FREM2: variants seen among roughly 807,000 people sequenced by gnomAD.
FREM2 encodes FRAS1 related extracellular matrix 2.
FREM2 carries 119 observed loss-of-function variants against 219.9 expected under a neutral mutation model. The ratio of observed to expected loss-of-function variants is 0.54; its 90% CI spans 0.47 to 0.63. The LOEUF is 0.63. Ranked by LOEUF, FREM2 falls within the 30% of genes least tolerant of loss-of-function variation. The pLI is 0.00. For synonymous variants in FREM2, 1,562 were observed against 1,522.8 expected (o/e 1.03, Z -0.60); for missense variants, 4,030 against 3,993.6 (o/e 1.01, Z -0.25).
intron 18 of FREM2, among the ~76,000 whole-genome samples, chr13:38,875,654 T>G (rs543046092): frequency 2.0e-5 from 3 of 152,384 alleles, no homozygotes; most frequent in Admixed American, 2.0e-4. Context: ...GTAACTTCAG[T>G]GCACAATAAA....
At chr13:38,878,403 G>T (rs1878424285) in intron 22 of FREM2, 82 bp downstream of exon 22, 2 of 886,088 alleles carry the variant, frequency 2.3e-6, no homozygotes, top group Non-Finnish European at 1.8e-6. Flanking sequence ...AACAAGGCTG[G>T]GCACAGTGGC....
chr13:38,823,788 C>T (rs1300507033), intron 6 of FREM2, among the ~76,000 whole-genome samples: 1 of 151,816 alleles, frequency 6.6e-6, no homozygotes, highest in East Asian at 1.9e-4. Context: ...AATTAAGCAA[C>T]AGATAAGAGA....
Position 38,870,893 on chromosome 13 carries a change from C to T in FREM2, c.7984-1849C>T, listed in dbSNP as rs1555273665. On this transcript the variant is annotated intron_variant, in intron 16 of 23. Coordinates refer to ENST00000280481, the MANE Select transcript of FREM2 (RefSeq NM_207361.6). ...CATTGGAAAAAATTATTCTTAGCAC[C>T]TATAAAGCTTAATTGGAAATCTATT... 2.0e-5 allele frequency among the ~76,000 whole-genome samples: 3 copies of T among 152,112 alleles called. No homozygotes were observed. In the South Asian group the frequency reaches 6.2e-4, roughly 31 times the overall value.
rs1425054911 is a variant in FREM2 at position 38,767,714 on chromosome 13, A to G, written c.5411-1864A>G. Among the ~76,000 whole-genome samples, 4 of 152,056 alleles carry G rather than the reference A, an allele frequency of 2.6e-5. No individual in the cohort carries two copies. The South Asian group carries it at 6.2e-4, about 24-fold the overall frequency. ...TGGATCCAAGAGGTGCTGACAACCA[A>G]CTCTGTGTGCACAAGGAACCAGAGA... is the stretch of plus-strand genomic sequence containing the variant. On this transcript the variant is annotated intron_variant, in intron 3 of 23. Transcript: ENST00000280481.
At chr13:38,797,752 A>T (rs937408414) in intron 6 of FREM2, among the ~76,000 whole-genome samples, 3 of 151,676 alleles carry the variant, frequency 2.0e-5, no homozygotes, top group Non-Finnish European at 4.4e-5. Context: ...CTTAGTTTTT[A>T]TAGTTTTATA....
chr13:38,863,783 C>T (rs1877849972), intron 15 of FREM2, among the ~76,000 whole-genome samples: 1 of 152,092 alleles, frequency 6.6e-6, no homozygotes, highest in Admixed American at 6.5e-5. Flanking sequence ...TGAAATTTTC[C>T]TGGGGAACCC....
rs770487106 is a variant in FREM2 at position 38,754,898 on chromosome 13, G to GATTATTATTATTATTATTATT, written c.5264-9404_5264-9403insTATTATTATTATTATTATTAT. 6.0e-3 allele frequency among the ~76,000 whole-genome samples: 733 copies of GATTATTATTATTATTATTATT among 122,718 alleles called. 5 individuals are homozygous for GATTATTATTATTATTATTATT. The highest frequency in any genetic ancestry group is 0.013 in the African/African-American group (406 of 32,042). 80.5% of individuals were successfully genotyped at this position (122,718 alleles called of 152,430 possible). ...TGATGATGATGATGATGATGATGAT[G>GATTATTATTATTATTATTATT]ATGATTATTATTATTATTATTAGAG... On this transcript the variant is annotated intron_variant, in intron 2 of 23. Coordinates refer to ENST00000280481, the MANE Select transcript of FREM2 (RefSeq NM_207361.6).
intron 4 of FREM2, among the ~76,000 whole-genome samples, chr13:38,774,681 T>G (rs141217044): frequency 1.3e-5 from 2 of 152,168 alleles, no homozygotes; most frequent in Non-Finnish European, 2.9e-5. Flanking sequence ...TAAGGGAAAA[T>G]ATACAAGAGC....
chr13:38,826,725 C>A (rs1348395574), intron 6 of FREM2, among the ~76,000 whole-genome samples: 1 of 152,114 alleles, frequency 6.6e-6, no homozygotes, highest in Non-Finnish European at 1.5e-5. Context: ...CCAAATAAAT[C>A]ACCCTCATGT....
Position 38,692,422 on chromosome 13 carries a change from A to C in FREM2, c.5078A>C (p.His1693Pro), listed in dbSNP as rs1049282176. ...ILKVEDRDSLHISLRFIVTEA... is the reference protein window; with the variant it reads ...ILKVEDRDSLPISLRFIVTEA... ...AAAGTGGAGGACAGAGACAGCTTACACATTTCTCTTAGATTTATCGTGACA... is the reference window on the plus strand; with the variant it reads ...AAAGTGGAGGACAGAGACAGCTTACCCATTTCTCTTAGATTTATCGTGACA... Residue 1693 changes from histidine (H) to proline (P), a missense_variant, in exon 1 of 24, where the codon CAC becomes CCC. Physicochemically the swap from His to Pro is moderately conservative, Grantham distance 77. Transcript: ENST00000280481. 1 of 1,613,680 alleles carries C rather than the reference A, an allele frequency of 6.2e-7. No homozygotes were observed. Among genetic ancestry groups the C allele is most frequent in the African/African-American group, 1.3e-5 (1 of 74,906 alleles).
Position 38,689,708 on chromosome 13 carries a change from C to T in FREM2, c.2364C>T (p.Pro788=), listed in dbSNP as rs1247886547. The change falls in exon 1 of 24, where the codon CCC becomes CCT. Residue 788 remains proline (P), a synonymous_variant. Transcript: ENST00000280481. ...QINHHKIAYR[P]PGQELGVATR... is the part of the protein sequence containing the mutation. ...ACCATCATAAAATTGCTTACAGACC[C>T]CCGGGTCAAGAACTGGGCGTGGCTA... 6.2e-7 allele frequency: 1 copy of T among 1,613,952 alleles called. No individual in the cohort carries two copies. Among genetic ancestry groups the T allele is most frequent in the Non-Finnish European group, 8.5e-7 (1 of 1,179,954 alleles).
chr13:38,770,873 A>G (rs1369263028), intron 4 of FREM2, among the ~76,000 whole-genome samples: 4 of 152,194 alleles, frequency 2.6e-5, no homozygotes, highest in African/African-American at 9.6e-5. Flanking sequence ...AGAAAAAAAA[A>G]GAAAAAGAAA....
At position 38,689,911 on chromosome 13, in the gene FREM2, A is replaced by G. The variant is rs1445459920; in HGVS notation, c.2567A>G (p.Asp856Gly). The G allele has an allele frequency of 1.9e-6, 3 of 1,614,064 alleles. No homozygotes were observed. The highest frequency in any genetic ancestry group is 2.5e-6 in the Non-Finnish European group (3 of 1,180,052). Reference protein sequence around the residue: ...ILSETELHVNDVDTDVAHISF... With the variant: ...ILSETELHVNGVDTDVAHISF... The stretch of plus-strand genomic sequence containing the variant: ...AGTGAGACAGAGTTGCACGTGAATG[A>G]TGTAGACACTGATGTTGCCCATATC... Residue 856 changes from aspartate to glycine, a missense_variant, in exon 1 of 24, where the codon GAT (aspartate) becomes GGT (glycine). Physicochemically the swap from Asp to Gly is moderately conservative, Grantham distance 94. Around this residue, in one of 2 missense-constraint regions of FREM2, gnomAD observed 3,102 missense variants for 2,950.7 expected, o/e 1.05. Transcript: ENST00000280481.
intron 6 of FREM2, among the ~76,000 whole-genome samples, chr13:38,793,461 G>A (rs1474718835): frequency 2.6e-5 from 4 of 152,172 alleles, no homozygotes; most frequent in Non-Finnish European, 5.9e-5. Flanking sequence ...GGATGCCTCC[G>A]TGGAACTGAA....
intron 6 of FREM2, among the ~76,000 whole-genome samples, chr13:38,801,014 C>T (rs1874987837): frequency 6.6e-6 from 1 of 152,172 alleles, no homozygotes; most frequent in South Asian, 2.1e-4. Flanking sequence ...TTATTTGGTA[C>T]TAAATGTCAT....
At chr13:38,853,303 G>A (rs1360155734) in intron 11 of FREM2, among the ~76,000 whole-genome samples, 1 of 129,780 alleles carries the variant, frequency 7.7e-6, no homozygotes, top group Non-Finnish European at 1.6e-5. Flanking sequence ...AGAGACAAGC[G>A]CAAAACTCCG....
Position 38,689,722 on chromosome 13 carries a change from T to A in FREM2, c.2378T>A (p.Leu793Gln). Residue 793 changes from leucine (L) to glutamine (Q), a missense_variant, in exon 1 of 24, where the codon CTG becomes CAG. Around this residue, in one of 2 missense-constraint regions of FREM2, gnomAD observed 3,102 missense variants for 2,950.7 expected, o/e 1.05. Transcript: ENST00000280481. ...GCTTACAGACCCCCGGGTCAAGAAC[T>A]GGGCGTGGCTACTCGAGTGGCCCAG... The part of the protein sequence containing the change: ...KIAYRPPGQE[L>Q]GVATRVAQFQ... 7 of 1,613,600 alleles carry A rather than the reference T, an allele frequency of 4.3e-6. No homozygotes were observed. The highest frequency in any genetic ancestry group is 5.9e-6 in the Non-Finnish European group (7 of 1,179,790).
intron 2 of FREM2, among the ~76,000 whole-genome samples, chr13:38,753,878 A>G (rs1317615236): frequency 6.6e-6 from 1 of 152,246 alleles, no homozygotes; most frequent in Non-Finnish European, 1.5e-5. Flanking sequence ...CTTAAACTCT[A>G]GGTGAGGGGA....
At chr13:38,720,729 CAG>C (rs1871197156) in intron 2 of FREM2, among the ~76,000 whole-genome samples, 1 of 152,054 alleles carries the variant, frequency 6.6e-6, no homozygotes, top group Non-Finnish European at 1.5e-5. Context: ...GGCAAAATGA[CAG>C]AGTCTAAAGA....
Sources: gnomAD v4.1 joint callset for allele counts (sites outside exome capture counted in the v4.1 genomes callset) on GRCh38, gnomAD v4.1.1 for gene constraint, gnomAD v4.1.1 regional missense constraint, MANE v1.5 for transcripts, NCBI Gene and HGNC (gene_info 2026-07-23, HGNC 2026-07-21) for gene names.